MYT1L: variants seen among roughly 807,000 people sequenced by gnomAD.
The protein encoded by MYT1L is myelin transcription factor 1-like protein.
Under a neutral mutation model 126.7 loss-of-function variants are expected in MYT1L, and 12 were observed. That is an observed-to-expected ratio of 0.09 (90% CI 0.06 to 0.15). The LOEUF (loss-of-function observed/expected upper bound fraction) is 0.15, where lower values mean the gene tolerates loss of function less well. Ranked by LOEUF, MYT1L falls within the 10% of genes least tolerant of loss-of-function variation. MYT1L has a pLI of 1.00. For missense variants in MYT1L, 979 were observed against 1,585.2 expected (o/e 0.62, Z 6.49); for synonymous variants, 541 against 604.2 (o/e 0.90, Z 1.53).
intron 21 of MYT1L, among the ~76,000 whole-genome samples, chr2:1,813,896 G>T (rs544976206): frequency 8.9e-6 from 1 of 112,458 alleles, no homozygotes; most frequent in Non-Finnish European, 1.9e-5. Context: ...GCGTGGTAGC[G>T]GGCGCCTGTA....
chr2:1,957,255 T>A (rs973785588), intron 8 of MYT1L, among the ~76,000 whole-genome samples: 1 of 152,218 alleles, frequency 6.6e-6, no homozygotes. Flanking sequence ...TACTCTGTTA[T>A]CTTTTTTTGA....
At chr2:1,942,315 G>A (rs1018215478) in intron 9 of MYT1L, among the ~76,000 whole-genome samples, 2 of 152,126 alleles carry the variant, frequency 1.3e-5, no homozygotes, top group Admixed American at 6.5e-5. Context: ...CACCGTAAAC[G>A]CACTGCCGGG....
intron 2 of MYT1L, among the ~76,000 whole-genome samples, chr2:2,205,744 CA>C (rs151210251): frequency 7.7e-4 from 118 of 152,262 alleles, no homozygotes; most frequent in Non-Finnish European, 1.6e-3. Context: ...AGCAATGCTA[CA>C]GGGTTGATAT....
chr2:1,937,704 T>A (rs565192653), intron 9 of MYT1L, among the ~76,000 whole-genome samples: 10 of 150,768 alleles, frequency 6.6e-5, no homozygotes, highest in Non-Finnish European at 1.3e-4. Flanking sequence ...AGCCATCAGA[T>A]CACAAGTCGA....
intron 2 of MYT1L, among the ~76,000 whole-genome samples, chr2:2,269,053 C>A (rs554527284): frequency 6.6e-6 from 1 of 152,166 alleles, no homozygotes; most frequent in Admixed American, 6.5e-5. Flanking sequence ...TTCCATCAGC[C>A]CAGTCTCCTG....
At chr2:2,131,427 T>C (rs2082335295) in intron 3 of MYT1L, among the ~76,000 whole-genome samples, 1 of 152,206 alleles carries the variant, frequency 6.6e-6, no homozygotes, top group Non-Finnish European at 1.5e-5. Flanking sequence ...CTTTTTAAAA[T>C]TGCTTTTGCA....
intron 18 of MYT1L, among the ~76,000 whole-genome samples, chr2:1,856,053 A>C (rs2043871818): frequency 6.6e-6 from 1 of 152,270 alleles, no homozygotes; most frequent in Admixed American, 6.5e-5. Context: ...GCCAACGTGC[A>C]GAATTCAGGC....
intron 3 of MYT1L, among the ~76,000 whole-genome samples, chr2:2,079,993 A>C (rs554918742): frequency 6.6e-6 from 1 of 152,324 alleles, no homozygotes; most frequent in Admixed American, 6.5e-5. Flanking sequence ...AATGAAATAG[A>C]ATGGGGAATC....
At chr2:2,205,463 TGAAA>T (rs2093275679) in intron 2 of MYT1L, among the ~76,000 whole-genome samples, 1 of 152,176 alleles carries the variant, frequency 6.6e-6, no homozygotes, top group East Asian at 1.9e-4. Flanking sequence ...GTTTTTGATT[TGAAA>T]GAAACAAAAA....
At position 1,917,389 on chromosome 2, in the gene MYT1L, C is replaced by A; in HGVS notation, c.1484-50G>T. ...AGAATAAATGTTTACCAATCAAAGACAAATGTGATTATTTCACAATCTGAA... is the reference window on the plus strand; with the variant it reads ...AGAATAAATGTTTACCAATCAAAGAAAAATGTGATTATTTCACAATCTGAA... On this transcript the variant is annotated intron_variant, in intron 10 of 24. Coordinates refer to ENST00000647738, the MANE Select transcript of MYT1L (RefSeq NM_001303052.2). The surrounding 1 kb of genome is among the most constrained non-coding windows in gnomAD (Gnocchi z 5.9). 6.4e-7 allele frequency: 1 copy of A among 1,552,336 alleles called. No individual in the cohort carries two copies. Among genetic ancestry groups the A allele is most frequent in the Non-Finnish European group, 8.8e-7 (1 of 1,142,314 alleles).
intron 4 of MYT1L, among the ~76,000 whole-genome samples, chr2:2,006,207 C>G (rs2149719765): frequency 6.6e-6 from 1 of 152,248 alleles, no homozygotes; most frequent in South Asian, 2.1e-4. Context: ...TTATGTGGTA[C>G]TCTAACAGTC....
chr2:1,826,431 C>T (rs1490496500), intron 21 of MYT1L, among the ~76,000 whole-genome samples: 1 of 152,128 alleles, frequency 6.6e-6, no homozygotes, highest in African/African-American at 2.4e-5. Context: ...AAAGCAGGGT[C>T]GCGCTCCACC....
intron 3 of MYT1L, among the ~76,000 whole-genome samples, chr2:2,168,907 G>A (rs1475739242): frequency 6.6e-6 from 1 of 152,148 alleles, no homozygotes; most frequent in African/African-American, 2.4e-5. Flanking sequence ...TCTTCACTGG[G>A]GAGCTGCTAT....
intron 5 of MYT1L, among the ~76,000 whole-genome samples, chr2:1,985,154 A>G (rs1429377308): frequency 6.6e-6 from 1 of 152,104 alleles, no homozygotes; most frequent in African/African-American, 2.4e-5. Flanking sequence ...CCAGGAAGCA[A>G]TTTCCATTTT....
At chr2:2,299,183 T>A (rs2095746284) in intron 1 of MYT1L, among the ~76,000 whole-genome samples, 1 of 152,160 alleles carries the variant, frequency 6.6e-6, no homozygotes. Context: ...GGGCATGACT[T>A]GTTCATGAAA....
intron 2 of MYT1L, among the ~76,000 whole-genome samples, chr2:2,174,090 T>C (rs898501788): frequency 2.2e-4 from 34 of 152,154 alleles, no homozygotes; most frequent in African/African-American, 7.7e-4. Flanking sequence ...AATAGATACA[T>C]GGAGCTAGAG....
At chr2:1,803,456 A>G (rs545573254) in intron 22 of MYT1L, among the ~76,000 whole-genome samples, 89 of 152,348 alleles carry the variant, frequency 5.8e-4, no homozygotes, top group African/African-American at 2.1e-3. Context: ...AGAATTCATG[A>G]TAAATGTCAA....
In MYT1L at chr2:1,887,468, T is replaced by C; in HGVS notation, c.2642+20A>G. ...GGGAAGATTAAGAAGATTCATAATT[T>C]CACCTCACAGCATGCTTACGTTATT... On this transcript the variant is annotated intron_variant, in intron 17 of 24. Coordinates refer to ENST00000647738, the MANE Select transcript of MYT1L (RefSeq NM_001303052.2). The surrounding 1 kb of genome is among the most constrained non-coding windows in gnomAD (Gnocchi z 4.8). 1 of 1,613,956 alleles carries C rather than the reference T, an allele frequency of 6.2e-7. No homozygotes were observed. The highest frequency in any genetic ancestry group is 8.5e-7 in the Non-Finnish European group (1 of 1,179,868).
At chr2:2,295,040 C>T (rs188344571) in intron 1 of MYT1L, among the ~76,000 whole-genome samples, 1 of 152,198 alleles carries the variant, frequency 6.6e-6, no homozygotes, top group African/African-American at 2.4e-5. Flanking sequence ...GTCAAGATTT[C>T]CGGAGAATCC....
Sources: gnomAD v4.1 joint callset for allele counts (sites outside exome capture counted in the v4.1 genomes callset) on GRCh38, gnomAD v4.1.1 for gene constraint, Gnocchi (gnomAD v3.1) non-coding constraint, MANE v1.5 for transcripts, NCBI Gene and HGNC (gene_info 2026-07-23, HGNC 2026-07-21) for gene names.